Variants in UBE2W observed in about 807,000 individuals in gnomAD.
UBE2W encodes ubiquitin-conjugating enzyme E2 W.
In UBE2W, 18 loss-of-function variants were observed where a neutral mutation model predicts 27.2. The ratio of observed to expected loss-of-function variants is 0.66; its 90% confidence interval spans 0.46 to 0.98. The LOEUF (loss-of-function observed/expected upper bound fraction) is 0.98. Ranked by LOEUF, UBE2W falls within the 50% of genes least tolerant of loss-of-function variation. The probability of loss-of-function intolerance (pLI) is 0.00; values close to 1 mark genes in which losing one functional copy is unlikely to be tolerated. For missense variants in UBE2W, 90 were observed against 180.2 expected, an observed-to-expected ratio of 0.50 and a Z score of 2.87; for synonymous variants, 53 against 57.2, an observed-to-expected ratio of 0.93 and a Z score of 0.33.
chr8:73,842,618 TAAA>T (rs1436244732), intron 1 of UBE2W, among the ~76,000 whole-genome samples: 2 of 76,196 alleles, frequency 2.6e-5, no homozygotes, highest in African/African-American at 1.0e-4. Flanking sequence ...CCTACTGAAA[TAAA>T]GAAAAAGCAA....
intron 4 of UBE2W, among the ~76,000 whole-genome samples, chr8:73,806,100 A>T (rs909983699): frequency 2.3e-4 from 35 of 152,240 alleles, no homozygotes; most frequent in African/African-American, 7.7e-4. Context: ...GGTTGCAGTG[A>T]GCCAAGATTG....
intron 5 of UBE2W, 80 bp downstream of exon 5, chr8:73,805,571 T>C: frequency 6.2e-6 from 5 of 812,648 alleles, no homozygotes; most frequent in East Asian, 3.2e-5. Context: ...GCTTCTCTTC[T>C]TTTTCCCAAG....
chr8:73,825,906 A>G lies in UBE2W; in HGVS notation c.108-657T>C, dbSNP rs571604207. Among the ~76,000 whole-genome samples, 5 of 152,328 alleles carry G rather than the reference A, an allele frequency of 3.3e-5. No homozygotes were observed. In the East Asian group the frequency reaches 9.6e-4, roughly 29 times the overall value. ...ATTTTTTCAAAGTACCATTTCTACA[A>G]TGCTGATATTACGTATTCTATACAT... is the stretch of plus-strand genomic sequence containing the variant. On this transcript the variant is annotated intron_variant, in intron 2 of 5. Transcript: ENST00000602593.
rs73340406 is a variant in UBE2W, at chr8:73,850,676, C to T, written c.16-20204G>A. Among the ~76,000 whole-genome samples, 526 of 116,070 alleles carry T rather than the reference C, an allele frequency of 4.5e-3. 2 individuals carry two copies. The highest frequency in any genetic ancestry group is 0.015 in the African/African-American group (452 of 30,822). 76.1% of individuals were successfully genotyped at this position (116,070 alleles called of 152,430 possible). ...AGGATTACAAACATAAAATCCAAGA[C>T]AGCAATTTACTGTGGGAAGGAAATA... is the stretch of plus-strand genomic sequence containing the variant. On this transcript the variant is annotated intron_variant, in intron 1 of 5. Transcript: ENST00000602593.
At chr8:73,820,522 A>C (rs1431822274) in intron 3 of UBE2W, among the ~76,000 whole-genome samples, 1 of 152,100 alleles carries the variant, frequency 6.6e-6, no homozygotes, top group East Asian at 1.9e-4. Flanking sequence ...AGATCACTTT[A>C]GGACAGGAGT....
intron 4 of UBE2W, among the ~76,000 whole-genome samples, chr8:73,807,079 C>CTTTCAAATATAAA (rs1282643622): frequency 6.6e-6 from 1 of 152,134 alleles, no homozygotes; most frequent in Non-Finnish European, 1.5e-5. Context: ...TCTACAAAGA[C>CTTTCAAATATAAA]TTGGAAACAT....
At chr8:73,796,499 A>G in intron 5 of UBE2W, 1 of 264,296 alleles carries the variant, frequency 3.8e-6, no homozygotes, top group Non-Finnish European at 5.9e-6. Flanking sequence ...GAAGGTTTTT[A>G]GTATAGTAGG....
At chr8:73,796,084 A>AAAG (rs55682432) in intron 5 of UBE2W, among the ~76,000 whole-genome samples, 59 of 138,128 alleles carry the variant, frequency 4.3e-4, no homozygotes, top group African/African-American at 1.6e-3. Context: ...AAAAAAAAAA[A>AAAG]GGGGGATGTT....
intron 1 of UBE2W, among the ~76,000 whole-genome samples, chr8:73,843,881 C>T (rs1810650540): frequency 6.6e-6 from 1 of 151,742 alleles, no homozygotes; most frequent in African/African-American, 2.4e-5. Context: ...CCCATCTACT[C>T]GAGAGGCTGA....
In UBE2W at chr8:73,788,538, T is replaced by C. The variant is rs541748842; in HGVS notation, c.*5564A>G. Reference sequence around the variant, plus strand: ...TTTACATAAACAATCTGTGGTTAACTATGAAAAGATGCATTTTCATGGTAT... The same window carrying C: ...TTTACATAAACAATCTGTGGTTAACCATGAAAAGATGCATTTTCATGGTAT... On this transcript the variant is annotated 3_prime_UTR_variant, in exon 6 of 6. Transcript: ENST00000602593. 15 of 985,324 alleles carry C rather than the reference T, an allele frequency of 1.5e-5. No individual in the cohort carries two copies. Among genetic ancestry groups the C allele is most frequent in the African/African-American group, 1.7e-5 (1 of 57,248 alleles). The allele number at this position is 985,324 out of a possible 1,614,324, so 61.0% of individuals were successfully genotyped here.
chr8:73,808,952 C>T (rs137926556), intron 4 of UBE2W, among the ~76,000 whole-genome samples: 157 of 152,264 alleles, frequency 1.0e-3, no homozygotes, highest in Non-Finnish European at 2.0e-3. Flanking sequence ...ATCTAATAAT[C>T]ATGAGGCACA....
In UBE2W at chr8:73,786,527, T is replaced by C. The variant is rs975648085; in HGVS notation, c.*7575A>G. The C allele has an allele frequency of 1.0e-6, 1 of 985,420 alleles. No individual in the cohort carries two copies. The highest frequency in any genetic ancestry group is 1.2e-6 in the Non-Finnish European group (1 of 829,932). The allele number at this position is 985,420 out of a possible 1,614,324, so 61.0% of individuals were successfully genotyped here. The stretch of plus-strand genomic sequence containing the variant: ...TAAAAAGTTCAGGATAGATGACTGG[T>C]AGGGAGAGAAGAAAGGACAAGGATG... On this transcript the variant is annotated 3_prime_UTR_variant, in exon 6 of 6. Coordinates refer to ENST00000602593, the MANE Select transcript of UBE2W (RefSeq NM_018299.6).
intron 3 of UBE2W, among the ~76,000 whole-genome samples, chr8:73,818,243 T>A (rs965513124): frequency 2.0e-5 from 3 of 152,130 alleles, no homozygotes; most frequent in African/African-American, 7.2e-5. Flanking sequence ...TCCAAATTAA[T>A]CCATTAGCAA....
chr8:73,803,933 A>C (rs1308507665), intron 5 of UBE2W, among the ~76,000 whole-genome samples: 2 of 148,798 alleles, frequency 1.3e-5, no homozygotes, highest in South Asian at 4.3e-4. Context: ...CGCCCGGCTA[A>C]TTTTTTGTAT....
chr8:73,844,680 G>A (rs994348255), intron 1 of UBE2W, among the ~76,000 whole-genome samples: 2 of 151,636 alleles, frequency 1.3e-5, no homozygotes, highest in Non-Finnish European at 2.9e-5. Context: ...CTTCCCGGCC[G>A]TCATCTCGTC....
chr8:73,873,661 GA>G (rs1033222689), intron 1 of UBE2W, among the ~76,000 whole-genome samples: 2 of 151,928 alleles, frequency 1.3e-5, no homozygotes, highest in Non-Finnish European at 2.9e-5. Context: ...GTCTCAGAGA[GA>G]AAAAATTTTA....
In UBE2W at chr8:73,790,157, G is replaced by A. The variant is rs546489221; in HGVS notation, c.*3945C>T. 3.3e-5 allele frequency: 32 copies of A among 984,596 alleles called. No homozygotes were observed. Among genetic ancestry groups the A allele is most frequent in the Admixed American group, 1.2e-4 (2 of 16,196 alleles). The allele number at this position is 984,596 out of a possible 1,614,324, so 61.0% of individuals were successfully genotyped here. A position where few individuals can be genotyped will look rare whatever the true frequency, so the allele number is the denominator to read the frequency against. On this transcript the variant is annotated 3_prime_UTR_variant, in exon 6 of 6. Transcript: ENST00000602593. ...AATTCATGGCATAATTTTAATAATC[G>A]TCCTTCTGTAGAATCCCTAACCTCA...
At chr8:73,866,287 AAAAATATAT>A (rs1309235622) in intron 1 of UBE2W, among the ~76,000 whole-genome samples, 17 of 103,972 alleles carry the variant, frequency 1.6e-4, no homozygotes, top group African/African-American at 4.2e-4. Context: ...AAAAAAAAAA[AAAAATATAT>A]ATATATATAT....
At chr8:73,828,720 C>T (rs930944681) in intron 2 of UBE2W, among the ~76,000 whole-genome samples, 3 of 152,142 alleles carry the variant, frequency 2.0e-5, no homozygotes, top group Non-Finnish European at 2.9e-5. Context: ...ATAATAATCA[C>T]ACCAGGGTAA....
Sources: allele counts gnomAD v4.1 joint callset (sites outside exome capture counted in the v4.1 genomes callset), GRCh38; gene constraint gnomAD v4.1.1; transcripts MANE v1.5; gene names NCBI Gene and HGNC (gene_info 2026-07-23, HGNC 2026-07-21).